Variants in POMK observed in about 807,000 individuals in gnomAD.
The protein encoded by POMK is Sugen kinase 196.
Under a neutral mutation model 23.0 loss-of-function variants are expected in POMK, and 19 were observed. That is an observed-to-expected ratio of 0.83 (90% confidence interval 0.58 to 1.21). The LOEUF (loss-of-function observed/expected upper bound fraction) is 1.21. Among genes scored for constraint, POMK ranks in the 50% most tolerant of loss-of-function variants. The pLI is 0.00. For synonymous variants in POMK, 173 were observed against 171.6 expected (o/e 1.01, Z -0.06); for missense variants, 410 against 431.3 (o/e 0.95, Z 0.44).
chr8:43,122,301 C>A lies in POMK; in HGVS notation c.477C>A (p.Asn159Lys). ...TEYHPLGSLS[N>K]LEETLNLSKY... ...ATCACCCTCTAGGTTCCTTGAGTAA[C>A]CTGGAAGAAACACTAAACCTTTCAA... The change falls in exon 5 of 5, where the codon AAC becomes AAA. Residue 159 changes from asparagine to lysine, a missense_variant. By Grantham distance (94) the Asn-to-Lys change is moderately conservative. Transcript: ENST00000331373. 1.2e-6 allele frequency: 2 copies of A among 1,614,156 alleles called. No homozygotes were observed. The highest frequency in any genetic ancestry group is 8.5e-7 in the Non-Finnish European group (1 of 1,180,012).
chr8:43,113,594 CCTT>C lies in POMK; in HGVS notation c.283-8507_283-8505del, dbSNP rs1320590094. On this transcript the variant is annotated intron_variant, in intron 4 of 4. Coordinates refer to ENST00000331373, the MANE Select transcript of POMK (RefSeq NM_032237.5). ...CTCGGCGTAGTTTGATTGTCTGAAG[CCTT>C]CTTCTCTGAACTCGTCAAAGTCATT... 5.1e-4 allele frequency among the ~76,000 whole-genome samples: 78 copies of C among 152,186 alleles called. 1 individual carries two copies. Among genetic ancestry groups the C allele is most frequent in the Non-Finnish European group, 2.1e-4 (14 of 68,034 alleles).
chr8:43,109,010 A>G (rs1200881444), intron 4 of POMK, among the ~76,000 whole-genome samples: 1 of 152,220 alleles, frequency 6.6e-6, no homozygotes, highest in East Asian at 1.9e-4. Flanking sequence ...ACCCAAAGAA[A>G]GTTAAGCACC....
rs1203820143 is a variant in POMK at position 43,103,647 on chromosome 8, G to C, written c.99G>C (p.Leu33=). The C allele has an allele frequency of 6.2e-7, 1 of 1,613,822 alleles. No homozygotes were observed. Among genetic ancestry groups the C allele is most frequent in the Admixed American group, 1.7e-5 (1 of 59,994 alleles). ...TGATCATGGCCCTGATGAATACTCT[G>C]CTCTACCTCTGCCTCGACCACTTCT... ...LLLIMALMNT[L]LYLCLDHFFI... is the part of the protein sequence containing the mutation. The change falls in exon 4 of 5, where the codon CTG becomes CTC. Residue 33 remains leucine, a synonymous_variant. Coordinates refer to ENST00000331373, the MANE Select transcript of POMK (RefSeq NM_032237.5).
chr8:43,120,481 A>G (rs1031960702), intron 4 of POMK, among the ~76,000 whole-genome samples: 1 of 152,004 alleles, frequency 6.6e-6, no homozygotes, highest in African/African-American at 2.4e-5. Flanking sequence ...TTGGCTTCCA[A>G]AAGTGCTGGG....
At chr8:43,102,775 T>C (rs556141166) in intron 3 of POMK, among the ~76,000 whole-genome samples, 175 bp downstream of exon 3, 1 of 152,344 alleles carries the variant, frequency 6.6e-6, no homozygotes, top group African/African-American at 2.4e-5. Context: ...ACGGTCCTAC[T>C]TCAGGCTTCT....
intron 4 of POMK, among the ~76,000 whole-genome samples, chr8:43,118,206 C>T (rs903600677): frequency 6.6e-6 from 1 of 152,082 alleles, no homozygotes; most frequent in East Asian, 1.9e-4. Context: ...ATTATGCCCA[C>T]ACTATGAAAC....
chr8:43,116,934 A>G (rs1421844979), intron 4 of POMK, among the ~76,000 whole-genome samples: 1 of 151,940 alleles, frequency 6.6e-6, no homozygotes, highest in Non-Finnish European at 1.5e-5. Flanking sequence ...GGCCATTTTT[A>G]TAAGATTTGG....
chr8:43,114,388 C>T (rs966638770), intron 4 of POMK, among the ~76,000 whole-genome samples: 1 of 152,234 alleles, frequency 6.6e-6, no homozygotes, highest in Non-Finnish European at 1.5e-5. Context: ...ATCAGTGAGA[C>T]TCCGTGGGCG....
At chr8:43,106,705 G>A (rs1811551119) in intron 4 of POMK, among the ~76,000 whole-genome samples, 1 of 151,872 alleles carries the variant, frequency 6.6e-6, no homozygotes, top group Non-Finnish European at 1.5e-5. Flanking sequence ...CTCCATGTTG[G>A]CCAGGCTGGT....
In POMK at chr8:43,122,689, T is replaced by C; in HGVS notation, c.865T>C (p.Ser289Pro). 6.2e-7 allele frequency: 1 copy of C among 1,614,168 alleles called. No homozygotes were observed. The change falls in exon 5 of 5, where the codon TCC (serine) becomes CCC (proline). Residue 289 changes from serine (S) to proline (P), a missense_variant. Physicochemically the swap from Ser to Pro is moderately conservative, Grantham distance 74. Transcript: ENST00000331373. The stretch of plus-strand genomic sequence containing the variant: ...TGACATTTGGAAGATCCCAGACATC[T>C]CCAGTTTCCTTCTGGGGCACATTGA... ...KIDIWKIPDI[S>P]SFLLGHIEGS...
intron 4 of POMK, among the ~76,000 whole-genome samples, chr8:43,111,379 C>T (rs1018560909): frequency 6.6e-6 from 1 of 152,272 alleles, no homozygotes; most frequent in African/African-American, 2.4e-5. Context: ...GGGGGAGGGG[C>T]GCCCGCCATT....
chr8:43,094,009 C>T (rs543891131), intron 1 of POMK, among the ~76,000 whole-genome samples: 4 of 152,342 alleles, frequency 2.6e-5, no homozygotes, highest in South Asian at 2.1e-4. Flanking sequence ...CCGGCGGGGG[C>T]GGAGGTTTCA....
chr8:43,121,997 A>T, intron 4 of POMK, 110 bp from the exon 5 acceptor site: 1 of 1,079,478 alleles, frequency 9.3e-7, no homozygotes, highest in Non-Finnish European at 1.4e-6. Context: ...GCACCTTGTT[A>T]ATTTCTGTAT....
chr8:43,119,284 A>G (rs745993729), intron 4 of POMK, among the ~76,000 whole-genome samples: 1 of 152,192 alleles, frequency 6.6e-6, no homozygotes, highest in South Asian at 2.1e-4. Context: ...ATTAGAGCCA[A>G]TTATCAGATT....
At chr8:43,120,043 C>G (rs1004652078) in intron 4 of POMK, among the ~76,000 whole-genome samples, 4 of 146,046 alleles carry the variant, frequency 2.7e-5, no homozygotes, top group Non-Finnish European at 6.0e-5. Flanking sequence ...TGGAAAATAC[C>G]AAAAGATATG....
At chr8:43,095,861 G>C (rs1437625734) in intron 1 of POMK, among the ~76,000 whole-genome samples, 1 of 152,214 alleles carries the variant, frequency 6.6e-6, no homozygotes, top group Non-Finnish European at 1.5e-5. Flanking sequence ...GGAGGTTAGG[G>C]GTAAGGAGGG....
chr8:43,104,261 T>C (rs1407228417), intron 4 of POMK, among the ~76,000 whole-genome samples: 1 of 152,138 alleles, frequency 6.6e-6, no homozygotes, highest in African/African-American at 2.4e-5. Flanking sequence ...TAGCTGGGAC[T>C]ATGGGCATAT....
At chr8:43,094,585 C>CCT (rs1811295186) in intron 1 of POMK, among the ~76,000 whole-genome samples, 1 of 152,078 alleles carries the variant, frequency 6.6e-6, no homozygotes, top group Admixed American at 6.5e-5. Context: ...AACCTTAAGG[C>CCT]TAAATAAGCG....
chr8:43,107,009 C>T (rs942653504), intron 4 of POMK, among the ~76,000 whole-genome samples: 3 of 152,032 alleles, frequency 2.0e-5, no homozygotes, highest in Non-Finnish European at 4.4e-5. Context: ...TCATGCAGGC[C>T]GGGCTGTGGT....
Sources: allele counts gnomAD v4.1 joint callset (sites outside exome capture counted in the v4.1 genomes callset), GRCh38; gene constraint gnomAD v4.1.1; transcripts MANE v1.5; gene names NCBI Gene and HGNC (gene_info 2026-07-23, HGNC 2026-07-21).